Variants in MED12L observed in about 807,000 individuals in gnomAD.
MED12L encodes the protein mediator complex subunit 12L, also known as mediator of RNA polymerase II transcription subunit 12-like protein.
MED12L carries 60 observed loss-of-function variants against 281.3 expected under a neutral mutation model. That is an observed-to-expected ratio of 0.21 (90% CI 0.17 to 0.26). MED12L has a LOEUF of 0.26. MED12L is among the 10% of genes least tolerant of loss of function. MED12L has a pLI of 1.00. For missense variants in MED12L, 2,146 were observed against 2,680.9 expected (o/e 0.80, Z 4.41); for synonymous variants, 974 against 987.2 (o/e 0.99, Z 0.25).
In MED12L at chr3:151,376,778, T is replaced by G. The variant is rs762449006; in HGVS notation, c.4054-22T>G. ...AACACATTTGATACCCATAATGTTT[T>G]AATTCTTTCCATTTTTCCCAGAATC... On this transcript the variant is annotated intron_variant, in intron 28 of 44. Coordinates refer to ENST00000687756, the MANE Select transcript of MED12L (RefSeq NM_001393769.1). The G allele has an allele frequency of 1.9e-6, 3 of 1,602,488 alleles. No homozygotes were observed. In the South Asian group the frequency reaches 3.3e-5, roughly 18 times the overall value.
chr3:151,413,672 C>T (rs557345933), intron 42 of MED12L, among the ~76,000 whole-genome samples: 5 of 152,248 alleles, frequency 3.3e-5, no homozygotes, highest in African/African-American at 1.2e-4. Flanking sequence ...CCATCCAGAG[C>T]TTTCATCAGA....
chr3:151,211,282 A>G (rs548639573), intron 16 of MED12L, among the ~76,000 whole-genome samples: 12 of 150,940 alleles, frequency 8.0e-5, no homozygotes, highest in African/African-American at 2.7e-4. Flanking sequence ...CTTTTTTACC[A>G]TGGCCCAGTA....
At chr3:151,138,955 T>A (rs1716534590) in intron 5 of MED12L, among the ~76,000 whole-genome samples, 1 of 152,018 alleles carries the variant, frequency 6.6e-6, no homozygotes, top group African/African-American at 2.4e-5. Context: ...TTTAAAATTC[T>A]TCTGCATGGG....
In MED12L at chr3:151,383,822, C is replaced by G; in HGVS notation, c.4724C>G (p.Thr1575Ser). ...ACGGTGCAGAGGAGCACCCAGTGGA[C>G]TACAGACTGGGCCCTGCTACTCCTT... ...FDTVQRSTQW[T>S]TDWALLLLQI... Residue 1575 changes from threonine (T) to serine (S), a missense_variant, in exon 34 of 45, where the codon ACT becomes AGT. Thr to Ser is a moderately conservative substitution (Grantham distance 58, BLOSUM62 1). Around this residue, in one of 9 missense-constraint regions of MED12L, gnomAD observed 212 missense variants for 340.8 expected, o/e 0.62. Transcript: ENST00000687756. The G allele has an allele frequency of 6.2e-7, 1 of 1,613,930 alleles. No individual in the cohort carries two copies. Among genetic ancestry groups the G allele is most frequent in the Non-Finnish European group, 8.5e-7 (1 of 1,179,866 alleles).
chr3:151,180,884 A>G (rs1242530544), intron 11 of MED12L, among the ~76,000 whole-genome samples: 1 of 152,250 alleles, frequency 6.6e-6, no homozygotes, highest in Non-Finnish European at 1.5e-5. Context: ...TTATTTCACT[A>G]CATTGTTTAA....
In MED12L at chr3:151,394,810, G is replaced by A; in HGVS notation, c.5763G>A (p.Leu1921=). 2 of 1,603,884 alleles carry A rather than the reference G, an allele frequency of 1.2e-6. No homozygotes were observed. Among genetic ancestry groups the A allele is most frequent in the Non-Finnish European group, 1.7e-6 (2 of 1,172,632 alleles). The change falls in exon 39 of 45, where the codon CTG becomes CTA. Residue 1921 remains leucine (L), a synonymous_variant. Coordinates refer to ENST00000687756, the MANE Select transcript of MED12L (RefSeq NM_001393769.1). ...SQQQLIQMKL[L]QQQQQQRLLR... Reference sequence around the variant, plus strand: ...AGCAGTTGATACAGATGAAGCTTCTGCAGCAGCAGCAGCAACAGCGACTTC... The same window carrying A: ...AGCAGTTGATACAGATGAAGCTTCTACAGCAGCAGCAGCAACAGCGACTTC...
intron 16 of MED12L, among the ~76,000 whole-genome samples, chr3:151,251,779 C>T (rs1228339780): frequency 3.9e-5 from 6 of 152,164 alleles, no homozygotes; most frequent in African/African-American, 1.4e-4. Context: ...TTTCACCTGG[C>T]TTATTCTGAA....
intron 16 of MED12L, chr3:151,213,539 G>C (rs187659532): frequency 6.2e-7 from 1 of 1,614,168 alleles, no homozygotes; most frequent in East Asian, 2.2e-5. Context: ...GCTTCGGTCT[G>C]ACTCTTTGTG....
chr3:151,315,290 A>G (rs1379238838), intron 16 of MED12L, among the ~76,000 whole-genome samples: 1 of 152,238 alleles, frequency 6.6e-6, no homozygotes, highest in East Asian at 1.9e-4. Flanking sequence ...AAAAGCAGGC[A>G]GACTCTGAAG....
chr3:151,426,719 T>TTA (rs1429572441), intron 43 of MED12L, among the ~76,000 whole-genome samples: 1 of 152,222 alleles, frequency 6.6e-6, no homozygotes, highest in Non-Finnish European at 1.5e-5. Context: ...ATTGTTATGT[T>TTA]TAGTACCTAA....
intron 16 of MED12L, among the ~76,000 whole-genome samples, chr3:151,263,861 T>G (rs1037641642): frequency 3.9e-5 from 6 of 152,006 alleles, no homozygotes; most frequent in Non-Finnish European, 8.8e-5. Flanking sequence ...GTGGTAAGAG[T>G]GAGACAATAC....
At chr3:151,152,085 G>GTTTTTTTTTTTTT (rs141353889) in intron 5 of MED12L, among the ~76,000 whole-genome samples, 8 of 63,018 alleles carry the variant, frequency 1.3e-4, no homozygotes, top group African/African-American at 5.0e-4. Flanking sequence ...GTTGAAGGTG[G>GTTTTTTTTTTTTT]TTTTTTTTTT....
chr3:151,281,730 C>T (rs1742837641), intron 16 of MED12L, among the ~76,000 whole-genome samples: 1 of 152,126 alleles, frequency 6.6e-6, no homozygotes, highest in South Asian at 2.1e-4. Context: ...CTCAACATAA[C>T]CCTGATATGA....
At chr3:151,140,719 G>A (rs112146560) in intron 5 of MED12L, among the ~76,000 whole-genome samples, 287 of 152,016 alleles carry the variant, frequency 1.9e-3, no homozygotes, top group Non-Finnish European at 3.3e-3. Flanking sequence ...TTGTTCTGTC[G>A]CCCAGGCTGG....
intron 16 of MED12L, among the ~76,000 whole-genome samples, chr3:151,222,298 G>A (rs1729519985): frequency 1.3e-5 from 1 of 77,030 alleles, no homozygotes; most frequent in Non-Finnish European, 2.8e-5. Flanking sequence ...GAAATGAATT[G>A]AGACTTGGGG....
At chr3:151,372,806 C>T in intron 27 of MED12L, 40 bp downstream of exon 27, 1 of 1,541,474 alleles carries the variant, frequency 6.5e-7, no homozygotes, top group Non-Finnish European at 9.0e-7. Context: ...GAGTACGTAA[C>T]TCTTCTTTTG....
At chr3:151,357,141 T>G in intron 19 of MED12L, 72 bp from the exon 20 acceptor site, 3 of 1,326,340 alleles carry the variant, frequency 2.3e-6, no homozygotes, top group Non-Finnish European at 3.1e-6. Flanking sequence ...ATATCTATGG[T>G]TTATAAAAAT....
At chr3:151,230,014 G>C (rs780897615) in intron 16 of MED12L, among the ~76,000 whole-genome samples, 24 of 152,008 alleles carry the variant, frequency 1.6e-4, no homozygotes, top group African/African-American at 5.8e-4. Context: ...CTGTTGCCCA[G>C]GCTGGAGTGC....
rs1319744181 is a variant in MED12L at position 151,328,337 on chromosome 3, C to G, written c.2251-21722C>G. 20 of 1,612,928 alleles carry G rather than the reference C, an allele frequency of 1.2e-5. No homozygotes were observed. The highest frequency in any genetic ancestry group is 1.7e-5 in the Non-Finnish European group (20 of 1,179,550). ...TTTTCTGTCCTTACTTTTGGACTTT[C>G]TATAAGAATCATATACTTTTTTTGC... On this transcript the variant is annotated intron_variant, in intron 16 of 44. Coordinates refer to ENST00000687756, the MANE Select transcript of MED12L (RefSeq NM_001393769.1).
Sources: allele counts gnomAD v4.1 joint callset (sites outside exome capture counted in the v4.1 genomes callset), GRCh38; gene constraint gnomAD v4.1.1; regional missense constraint gnomAD v4.1.1; transcripts MANE v1.5; gene names NCBI Gene and HGNC (gene_info 2026-07-23, HGNC 2026-07-21).